The following SNTG1 variants were observed in gnomAD, a reference collection of about 807,000 sequenced individuals.
SNTG1 encodes syntrophin gamma 1, also known as gamma-1-syntrophin.
A neutral mutation model predicts 74.7 loss-of-function variants in SNTG1; 39 were observed. The ratio of observed to expected loss-of-function variants is 0.52; its 90% confidence interval spans 0.40 to 0.68. The LOEUF (loss-of-function observed/expected upper bound fraction) is 0.68. Among genes scored for constraint, SNTG1 ranks in the 30% least tolerant of loss-of-function variants. The pLI is 0.00. For missense variants in SNTG1, 685 were observed against 609.5 expected, an observed-to-expected ratio of 1.12 and a Z score of -1.30; for synonymous variants, 254 against 217.1, an observed-to-expected ratio of 1.17 and a Z score of -1.49.
At chr8:50,566,186 T>A (rs918353776) in intron 12 of SNTG1, among the ~76,000 whole-genome samples, 7 of 151,994 alleles carry the variant, frequency 4.6e-5, no homozygotes, top group Non-Finnish European at 8.8e-5. Context: ...AAGAAAAGGC[T>A]ATTTAATCAA....
intron 8 of SNTG1, among the ~76,000 whole-genome samples, chr8:50,472,895 A>G (rs918457094): frequency 3.3e-5 from 5 of 152,140 alleles, no homozygotes; most frequent in African/African-American, 9.7e-5. Flanking sequence ...TCTCCAAAAA[A>G]TATACACAAA....
intron 2 of SNTG1, among the ~76,000 whole-genome samples, chr8:50,331,158 G>A (rs967875065): frequency 6.6e-6 from 1 of 152,146 alleles, no homozygotes; most frequent in Non-Finnish European, 1.5e-5. Context: ...ATAACTGTCA[G>A]GGAAATCATC....
At chr8:49,986,834 G>A (rs932852098) in intron 1 of SNTG1, among the ~76,000 whole-genome samples, 2 of 152,110 alleles carry the variant, frequency 1.3e-5, no homozygotes, top group South Asian at 4.1e-4. Context: ...TCGTGCCACT[G>A]CACTCCACTT....
chr8:50,642,314 C>A (rs2095078544), intron 13 of SNTG1, among the ~76,000 whole-genome samples: 1 of 152,120 alleles, frequency 6.6e-6, no homozygotes, highest in Admixed American at 6.5e-5. Context: ...TCTAAACAGG[C>A]CTTCTTGCTT....
chr8:50,546,703 G>A (rs1470281199), intron 11 of SNTG1, among the ~76,000 whole-genome samples: 1 of 152,070 alleles, frequency 6.6e-6, no homozygotes, highest in African/African-American at 2.4e-5. Context: ...CCCTACAAAG[G>A]ACATGAACTC....
chr8:49,938,595 TTC>T (rs1269005625), intron 1 of SNTG1, among the ~76,000 whole-genome samples: 8 of 10,542 alleles, frequency 7.6e-4, no homozygotes, highest in African/African-American at 1.7e-3. Context: ...TTCTTTTCTT[TTC>T]TTTTCTTTTC....
chr8:49,976,448 T>C (rs1184689045), intron 1 of SNTG1, among the ~76,000 whole-genome samples: 1 of 152,184 alleles, frequency 6.6e-6, no homozygotes, highest in Non-Finnish European at 1.5e-5. Context: ...GATAGTTCCC[T>C]AGTTTCATGA....
chr8:50,756,689 A>C (rs7005117), intron 18 of SNTG1, among the ~76,000 whole-genome samples: 17,811 of 151,712 alleles, frequency 0.12, 3,113 homozygotes, highest in African/African-American at 0.38. Context: ...TATGTCTTGA[A>C]GTTTTATAGT....
chr8:50,244,578 A>C (rs1022806279), intron 2 of SNTG1, among the ~76,000 whole-genome samples: 34 of 152,104 alleles, frequency 2.2e-4, no homozygotes, highest in African/African-American at 8.0e-4. Flanking sequence ...AGCATGTTTA[A>C]TTTTCTGTTT....
At chr8:50,755,679 A>T (rs1370991909) in intron 18 of SNTG1, among the ~76,000 whole-genome samples, 1 of 151,814 alleles carries the variant, frequency 6.6e-6, no homozygotes, top group African/African-American at 2.4e-5. Flanking sequence ...AAAATTGCCA[A>T]ACTGTCTTCC....
chr8:49,942,157 A>T (rs1197733555), intron 1 of SNTG1, among the ~76,000 whole-genome samples: 1 of 152,176 alleles, frequency 6.6e-6, no homozygotes, highest in East Asian at 1.9e-4. Context: ...TTGCCCACAA[A>T]ATCTGATAAG....
intron 18 of SNTG1, among the ~76,000 whole-genome samples, chr8:50,790,129 G>A (rs865848201): frequency 6.6e-6 from 1 of 151,646 alleles, no homozygotes; most frequent in East Asian, 1.9e-4. Context: ...TGTCTCCTCC[G>A]CTTTATTTCT....
At chr8:50,248,765 G>A (rs2129837708) in intron 2 of SNTG1, among the ~76,000 whole-genome samples, 1 of 152,318 alleles carries the variant, frequency 6.6e-6, no homozygotes, top group African/African-American at 2.4e-5. Flanking sequence ...TAGAAATAAA[G>A]ATGGTGGTGC....
chr8:50,236,595 C>G (rs1005533284), intron 2 of SNTG1, among the ~76,000 whole-genome samples: 2 of 151,692 alleles, frequency 1.3e-5, no homozygotes, highest in Non-Finnish European at 2.9e-5. Context: ...GGACTACAGG[C>G]GCCCGCCACT....
chr8:50,685,417 T>A (rs184971158), intron 15 of SNTG1, among the ~76,000 whole-genome samples: 2,299 of 152,286 alleles, frequency 0.015, 49 homozygotes, highest in African/African-American at 0.052. Context: ...CTAAAATTGC[T>A]AATCTTTGAA....
At chr8:50,757,619 T>C (rs1175277143) in intron 18 of SNTG1, among the ~76,000 whole-genome samples, 1 of 151,922 alleles carries the variant, frequency 6.6e-6, no homozygotes, top group Non-Finnish European at 1.5e-5. Flanking sequence ...TATTTCTTCA[T>C]CCATTTTGAC....
chr8:49,931,578 G>A (rs1347075168), intron 1 of SNTG1, among the ~76,000 whole-genome samples: 1 of 152,112 alleles, frequency 6.6e-6, no homozygotes, highest in East Asian at 1.9e-4. Flanking sequence ...TTTTTAAAGT[G>A]TGAAAATAAC....
intron 1 of SNTG1, among the ~76,000 whole-genome samples, chr8:50,083,427 T>G (rs1204733451): frequency 1.3e-5 from 2 of 152,308 alleles, no homozygotes; most frequent in Admixed American, 6.5e-5. Context: ...CCATAAATTA[T>G]CTTGTGATGG....
intron 17 of SNTG1, among the ~76,000 whole-genome samples, chr8:50,735,352 T>C (rs1162518807): frequency 1.3e-5 from 2 of 151,516 alleles, no homozygotes; most frequent in African/African-American, 4.8e-5. Flanking sequence ...TCTAAACCAA[T>C]GAAAGGAAGC....
Sources: gnomAD v4.1 joint callset for allele counts (sites outside exome capture counted in the v4.1 genomes callset) on GRCh38, gnomAD v4.1.1 for gene constraint, MANE v1.5 for transcripts, NCBI Gene and HGNC (gene_info 2026-07-23, HGNC 2026-07-21) for gene names.